The following DNM3 variants were observed in gnomAD, a reference collection of about 807,000 sequenced individuals.
DNM3 encodes dynamin-3.
A neutral mutation model predicts 101.6 loss-of-function variants in DNM3; 47 were observed. The ratio of observed to expected loss-of-function variants is 0.46; its 90% confidence interval spans 0.37 to 0.59. The LOEUF is 0.59. DNM3 is among the 20% of genes least tolerant of loss of function. The pLI, the probability that DNM3 is intolerant of heterozygous loss-of-function variation, is 0.00. For synonymous variants in DNM3, 385 were observed against 387.9 expected, an observed-to-expected ratio of 0.99 and a Z score of 0.09; for missense variants, 849 against 1,085.7, an observed-to-expected ratio of 0.78 and a Z score of 3.06.
chr1:171,938,549 A>C (rs1390396753), intron 2 of DNM3, among the ~76,000 whole-genome samples: 1 of 152,178 alleles, frequency 6.6e-6, no homozygotes, highest in Non-Finnish European at 1.5e-5. Context: ...ATTTTCTAAA[A>C]AGTTTGAGGA....
At chr1:171,886,022 T>G (rs1314756856) in intron 1 of DNM3, among the ~76,000 whole-genome samples, 1 of 152,130 alleles carries the variant, frequency 6.6e-6, no homozygotes, top group South Asian at 2.1e-4. Context: ...GGTGGCCTGA[T>G]TAGGGATCTC....
At chr1:171,901,721 G>T (rs1571512344) in intron 1 of DNM3, among the ~76,000 whole-genome samples, 1 of 152,282 alleles carries the variant, frequency 6.6e-6, no homozygotes, top group East Asian at 1.9e-4. Context: ...TCAAATGAAT[G>T]CTCCATCAAG....
At chr1:172,172,426 G>A (rs149396209) in intron 14 of DNM3, among the ~76,000 whole-genome samples, 186 of 151,626 alleles carry the variant, frequency 1.2e-3, no homozygotes, top group African/African-American at 4.3e-3. Flanking sequence ...TGGATACGTC[G>A]GACAGAGGGA....
intron 17 of DNM3, among the ~76,000 whole-genome samples, chr1:172,328,497 C>T (rs894549955): frequency 3.3e-5 from 5 of 152,114 alleles, no homozygotes; most frequent in South Asian, 2.1e-4. Context: ...AGCTGGAGGC[C>T]GTTATTCTAA....
intron 4 of DNM3, among the ~76,000 whole-genome samples, chr1:172,030,614 A>C (rs1408283415): frequency 6.6e-6 from 1 of 152,206 alleles, no homozygotes; most frequent in Non-Finnish European, 1.5e-5. Context: ...TGAACAGGCA[A>C]CCTACAGAAT....
At chr1:171,966,449 CA>C (rs756367436) in intron 2 of DNM3, among the ~76,000 whole-genome samples, 11 of 152,226 alleles carry the variant, frequency 7.2e-5, no homozygotes, top group Non-Finnish European at 7.3e-5. Flanking sequence ...ATTATATTCT[CA>C]GAAGTGTTAA....
chr1:172,336,166 G>A (rs1017120872), intron 17 of DNM3, among the ~76,000 whole-genome samples: 7 of 152,180 alleles, frequency 4.6e-5, no homozygotes, highest in African/African-American at 7.2e-5. Flanking sequence ...AGAATGATCC[G>A]TCTAAAATGT....
chr1:172,002,464 G>C (rs571745344), intron 4 of DNM3, among the ~76,000 whole-genome samples: 9 of 152,136 alleles, frequency 5.9e-5, no homozygotes, highest in African/African-American at 1.9e-4. Flanking sequence ...ACTATGCATT[G>C]GGCTTGAACA....
intron 4 of DNM3, among the ~76,000 whole-genome samples, chr1:171,990,104 AT>A: frequency 6.6e-6 from 1 of 152,144 alleles, no homozygotes; most frequent in Non-Finnish European, 1.5e-5. Flanking sequence ...AAATAGCATC[AT>A]GTTCTTGTTT....
chr1:171,987,811 T>C lies in DNM3; in HGVS notation c.385+6T>C, dbSNP rs376217186. 4 of 1,536,460 alleles carry C rather than the reference T, an allele frequency of 2.6e-6. No individual in the cohort carries two copies. In the African/African-American group the frequency reaches 5.6e-5, roughly 21 times the overall value. On this transcript the variant is annotated splice_donor_region_variant and intron_variant, in intron 3 of 20. Transcript: ENST00000627582. ...ACGAGTCTATTCCCCACACGGTAAGTAAAATAATAAAATTCCAAATTCTTC... is the reference window on the plus strand; with the variant it reads ...ACGAGTCTATTCCCCACACGGTAAGCAAAATAATAAAATTCCAAATTCTTC...
At chr1:172,195,874 A>G (rs1167870090) in intron 14 of DNM3, among the ~76,000 whole-genome samples, 1 of 147,860 alleles carries the variant, frequency 6.8e-6, no homozygotes, top group Non-Finnish European at 1.5e-5. Context: ...TTTTTTTTTT[A>G]GTTTTCCTTT....
At chr1:171,976,610 G>A (rs2044391761) in intron 2 of DNM3, among the ~76,000 whole-genome samples, 1 of 152,102 alleles carries the variant, frequency 6.6e-6, no homozygotes, top group Non-Finnish European at 1.5e-5. Flanking sequence ...TTTGGGTGGG[G>A]ACACAGCCAA....
At chr1:172,337,871 ATTTTATTTTAT>A (rs2066505755) in intron 17 of DNM3, among the ~76,000 whole-genome samples, 1 of 75,302 alleles carries the variant, frequency 1.3e-5, no homozygotes, top group African/African-American at 1.7e-4. Flanking sequence ...TTTTATTTTT[ATTTTATTTTAT>A]TTTATTTTAT....
chr1:171,955,966 G>A (rs1309660717), intron 2 of DNM3, among the ~76,000 whole-genome samples: 7 of 152,166 alleles, frequency 4.6e-5, no homozygotes, highest in African/African-American at 9.6e-5. Flanking sequence ...TCACTATCAC[G>A]AGAACAGCAT....
intron 4 of DNM3, among the ~76,000 whole-genome samples, chr1:172,029,345 A>G (rs1346134051): frequency 6.6e-6 from 1 of 152,148 alleles, no homozygotes; most frequent in African/African-American, 2.4e-5. Context: ...AAGGCCTACA[A>G]AATTCAACAT....
intron 14 of DNM3, among the ~76,000 whole-genome samples, chr1:172,187,024 A>G (rs1422248976): frequency 1.3e-5 from 2 of 152,098 alleles, no homozygotes; most frequent in Admixed American, 1.3e-4. Context: ...ATCTTTGCAC[A>G]TGATTTGTTC....
intron 20 of DNM3, chr1:172,393,105 C>T (rs2069668754): frequency 6.6e-6 from 1 of 152,096 alleles, no homozygotes. Context: ...CATTGTAATC[C>T]CACATTTTCA....
At chr1:172,155,887 A>G (rs376292557) in intron 14 of DNM3, among the ~76,000 whole-genome samples, 5 of 152,114 alleles carry the variant, frequency 3.3e-5, no homozygotes, top group Non-Finnish European at 7.4e-5. Context: ...TGTTTAGCCA[A>G]TGCTAAACCA....
Position 171,841,573 on chromosome 1 carries a change from A to C in DNM3, c.-84A>C. On this transcript the variant is annotated 5_prime_UTR_variant, in exon 1 of 21. Transcript: ENST00000627582. ...GGCTGGCTGAGCCCGGCGCAGCAGC[A>C]GCAGCCAGGGCAGCGCGGCCCCTAC... 6.7e-7 allele frequency: 1 copy of C among 1,498,550 alleles called. No individual in the cohort carries two copies. Among genetic ancestry groups the C allele is most frequent in the Non-Finnish European group, 8.9e-7 (1 of 1,125,602 alleles). The allele number at this position is 1,498,550 out of a possible 1,614,324, so 92.8% of individuals were successfully genotyped here. A position where few individuals can be genotyped will look rare whatever the true frequency, so the allele number is the denominator to read the frequency against.
Sources: allele counts gnomAD v4.1 joint callset (sites outside exome capture counted in the v4.1 genomes callset), GRCh38; gene constraint gnomAD v4.1.1; transcripts MANE v1.5; gene names NCBI Gene and HGNC (gene_info 2026-07-23, HGNC 2026-07-21).